The following CLVS1 variants were observed in gnomAD, a reference collection of about 807,000 sequenced individuals.
CLVS1 encodes clavesin 1.
Under a neutral mutation model 33.1 loss-of-function variants are expected in CLVS1, and 10 were observed. That is an observed-to-expected ratio of 0.30 (90% CI 0.19 to 0.51). The LOEUF (loss-of-function observed/expected upper bound fraction) is 0.51, where lower values mean the gene tolerates loss of function less well. Among genes scored for constraint, CLVS1 ranks in the 20% least tolerant of loss-of-function variants. The probability of loss-of-function intolerance (pLI) is 0.97; values close to 1 mark genes in which losing one functional copy is unlikely to be tolerated. For synonymous variants in CLVS1, 163 were observed against 166.1 expected (o/e 0.98, Z 0.14); for missense variants, 343 against 433.4 (o/e 0.79, Z 1.85).
intron 1 of CLVS1, chr8:61,090,793 T>G: frequency 4.1e-6 from 2 of 488,252 alleles, no homozygotes; most frequent in South Asian, 3.1e-5. Context: ...AATTTTCCTC[T>G]AGGATGGATT....
intron 2 of CLVS1, among the ~76,000 whole-genome samples, chr8:61,330,576 T>G (rs1276338510): frequency 6.6e-6 from 1 of 152,170 alleles, no homozygotes; most frequent in Non-Finnish European, 1.5e-5. Flanking sequence ...CTCAGTTTGG[T>G]CAAACACACT....
chr8:61,218,669 T>C (rs1808143359), intron 2 of CLVS1, among the ~76,000 whole-genome samples: 1 of 149,688 alleles, frequency 6.7e-6, no homozygotes, highest in Admixed American at 6.7e-5. Context: ...GCATGGTGGA[T>C]GACGCCTGTA....
rs546756287 is a variant in CLVS1 at position 61,386,885 on chromosome 8, C to T, written c.630+10106C>T. Among the ~76,000 whole-genome samples the T allele has an allele frequency of 1.6e-4, 25 of 152,170 alleles. No individual in the cohort carries two copies. The South Asian group carries it at 3.7e-3, about 23-fold the overall frequency. Reference sequence around the variant, plus strand: ...CCTTTCATTAAGTGGAGCAGGAGAGCAACAAACCATCACTTCAAAATAAGA... The same window carrying T: ...CCTTTCATTAAGTGGAGCAGGAGAGTAACAAACCATCACTTCAAAATAAGA... On this transcript the variant is annotated intron_variant, in intron 3 of 5. Transcript: ENST00000325897.
At chr8:61,477,252 AATTCTCTTTTTTTTTGTTGTGTCTC>A in intron 5 of CLVS1, among the ~76,000 whole-genome samples, 1 of 152,156 alleles carries the variant, frequency 6.6e-6, no homozygotes, top group Non-Finnish European at 1.5e-5. Context: ...ATTGGTCTAA[AATTCTCTTTTTTTTTGTTGTGTCTC>A]TGCCAGGCTT....
At chr8:61,184,565 G>T (rs1314998603) in intron 2 of CLVS1, among the ~76,000 whole-genome samples, 2 of 152,190 alleles carry the variant, frequency 1.3e-5, no homozygotes, top group African/African-American at 4.8e-5. Context: ...AGCCCTCCCT[G>T]TGGGGCACTA....
chr8:61,236,179 C>T (rs1188326357), intron 2 of CLVS1, among the ~76,000 whole-genome samples: 3 of 152,146 alleles, frequency 2.0e-5, no homozygotes, highest in African/African-American at 7.2e-5. Flanking sequence ...CAAGACACTG[C>T]CAGGGCCAAG....
At chr8:61,033,283 G>A in the CLVS1 span, among the ~76,000 whole-genome samples, 1 of 152,304 alleles carries the variant, frequency 6.6e-6, no homozygotes, top group Middle Eastern at 3.4e-3. Context: ...TAAGTCTAAG[G>A]ACCTGCACTC....
chr8:60,992,796 A>T, the CLVS1 span, among the ~76,000 whole-genome samples: 9 of 152,212 alleles, frequency 5.9e-5, no homozygotes, highest in Admixed American at 1.3e-4. Flanking sequence ...TAAGAAGAGC[A>T]AGACATGACC....
chr8:61,001,075 A>G, the CLVS1 span, among the ~76,000 whole-genome samples: 2 of 152,310 alleles, frequency 1.3e-5, no homozygotes, highest in African/African-American at 2.4e-5. Context: ...AGCATCTCTC[A>G]TCAAGTAACT....
At chr8:61,335,224 C>T (rs1255197852) in intron 2 of CLVS1, among the ~76,000 whole-genome samples, 1 of 152,210 alleles carries the variant, frequency 6.6e-6, no homozygotes, top group Non-Finnish European at 1.5e-5. Flanking sequence ...GACTCCCAAA[C>T]CATAATTTCT....
intron 1 of CLVS1, among the ~76,000 whole-genome samples, chr8:61,125,128 C>T (rs372623289): frequency 3.3e-5 from 5 of 152,296 alleles, no homozygotes; most frequent in East Asian, 3.9e-4. Context: ...TCCGAGATGA[C>T]ACACTTTGCT....
At chr8:61,161,732 T>C (rs1216480686) in intron 2 of CLVS1, among the ~76,000 whole-genome samples, 1 of 152,242 alleles carries the variant, frequency 6.6e-6, no homozygotes, top group African/African-American at 2.4e-5. Context: ...CATAGCATCA[T>C]GACTGTTGTC....
intron 2 of CLVS1, among the ~76,000 whole-genome samples, chr8:61,229,383 C>T (rs999206072): frequency 2.6e-5 from 4 of 152,234 alleles, no homozygotes; most frequent in African/African-American, 9.6e-5. Flanking sequence ...ACCTCTGTTC[C>T]CATTCATTCC....
At chr8:61,174,716 T>C (rs1272566427) in intron 2 of CLVS1, among the ~76,000 whole-genome samples, 1 of 152,246 alleles carries the variant, frequency 6.6e-6, no homozygotes, top group African/African-American at 2.4e-5. Context: ...GGTTCATTTA[T>C]ATTTACAAGT....
intron 2 of CLVS1, among the ~76,000 whole-genome samples, chr8:61,371,429 C>G (rs916316331): frequency 1.1e-4 from 17 of 152,218 alleles, no homozygotes; most frequent in African/African-American, 4.1e-4. Flanking sequence ...ATATTTTCTC[C>G]CACTTTGTGG....
chr8:61,363,396 A>G (rs1471538781), intron 2 of CLVS1, among the ~76,000 whole-genome samples: 4 of 152,220 alleles, frequency 2.6e-5, no homozygotes, highest in African/African-American at 9.6e-5. Context: ...GTTTTACAGT[A>G]TCTCCTGCAG....
chr8:61,176,166 G>A (rs1807108424), intron 2 of CLVS1, among the ~76,000 whole-genome samples: 1 of 152,148 alleles, frequency 6.6e-6, no homozygotes, highest in South Asian at 2.1e-4. Flanking sequence ...TCTGGTCAGT[G>A]GGACAGTAGC....
intron 1 of CLVS1, among the ~76,000 whole-genome samples, chr8:61,294,922 T>A (rs1156610556): frequency 6.6e-6 from 1 of 152,220 alleles, no homozygotes; most frequent in Non-Finnish European, 1.5e-5. Context: ...AAATTCTGTA[T>A]GAGGAAATAC....
At chr8:61,298,661 C>T (rs1038118381) in intron 1 of CLVS1, among the ~76,000 whole-genome samples, 4 of 152,074 alleles carry the variant, frequency 2.6e-5, no homozygotes, top group African/African-American at 9.7e-5. Context: ...AAAATAAATG[C>T]CTCTAAGTTT....
Sources: gnomAD v4.1 joint callset for allele counts (sites outside exome capture counted in the v4.1 genomes callset) on GRCh38, gnomAD v4.1.1 for gene constraint, MANE v1.5 for transcripts, NCBI Gene and HGNC (gene_info 2026-07-23, HGNC 2026-07-21) for gene names.